TLE3: variants seen among roughly 807,000 people sequenced by gnomAD.
The protein encoded by TLE3 is TLE family member 3, transcriptional corepressor, also known as transducin-like enhancer protein 3.
Under a neutral mutation model 93.0 loss-of-function variants are expected in TLE3, and 14 were observed. The ratio of observed to expected loss-of-function variants is 0.15; its 90% CI spans 0.10 to 0.24. TLE3 has a LOEUF of 0.24. TLE3 is among the 10% of genes least tolerant of loss of function. The pLI, the probability that TLE3 is intolerant of heterozygous loss-of-function variation, is 1.00. For synonymous variants in TLE3, 451 were observed against 425.0 expected, an observed-to-expected ratio of 1.06 and a Z score of -0.75; for missense variants, 693 against 1,046.6, an observed-to-expected ratio of 0.66 and a Z score of 4.66.
chr15:70,076,909 G>C (rs967335939), intron 4 of TLE3, among the ~76,000 whole-genome samples: 1 of 152,054 alleles, frequency 6.6e-6, no homozygotes, highest in South Asian at 2.1e-4. Flanking sequence ...GTAGAGACTG[G>C]GTTTCGCCAC....
intron 9 of TLE3, 86 bp from the exon 10 acceptor site, chr15:70,059,546 C>T: frequency 7.3e-7 from 1 of 1,369,728 alleles, no homozygotes; most frequent in Non-Finnish European, 1.0e-6. Flanking sequence ...TGTCCTTCTA[C>T]TGGCCAGGAC....
Position 70,073,128 on chromosome 15 carries a change from C to T in TLE3, c.372+1405G>A, listed in dbSNP as rs146033908. On this transcript the variant is annotated intron_variant, in intron 6 of 19. Coordinates refer to ENST00000451782, the MANE Select transcript of TLE3 (RefSeq NM_001105192.3). The stretch of plus-strand genomic sequence containing the variant: ...TCATCAAAGGACTCTGCAACCATCA[C>T]GGGTCCTGACAGTGTGATGGAAGGG... 7.4e-3 allele frequency among the ~76,000 whole-genome samples: 1,123 copies of T among 152,322 alleles called. 12 individuals are homozygous for T. The highest frequency in any genetic ancestry group is 0.031 in the Middle Eastern group (9 of 294).
intron 4 of TLE3, among the ~76,000 whole-genome samples, chr15:70,091,550 C>T (rs746342750): frequency 6.6e-6 from 1 of 152,154 alleles, no homozygotes; most frequent in Non-Finnish European, 1.5e-5. Flanking sequence ...CTTGAAGTCC[C>T]GGGCCAGGCC....
At chr15:70,075,744 T>C (rs967994603) in intron 5 of TLE3, among the ~76,000 whole-genome samples, 3 of 152,250 alleles carry the variant, frequency 2.0e-5, no homozygotes, top group African/African-American at 7.2e-5. Flanking sequence ...AAGGGCACTC[T>C]GTACCAGGAA....
chr15:70,058,235 G>T lies in TLE3; in HGVS notation c.975C>A (p.Asp325Glu). 1 of 1,613,610 alleles carries T rather than the reference G, an allele frequency of 6.2e-7. No individual in the cohort carries two copies. The stretch of plus-strand genomic sequence containing the variant: ...TCGTGCTGGTGCCTGGAGTTGGGGC[G>T]TCGTTCCTTGGGGTTGGTGTGTTGG... ...LKSNTPTPRN[D>E]APTPGTSTTP... Residue 325 changes from aspartate to glutamate, a missense_variant, in exon 12 of 20, where the codon GAC becomes GAA. Around this residue, in one of 4 missense-constraint regions of TLE3, gnomAD observed 405 missense variants for 468.9 expected, o/e 0.86. Transcript: ENST00000451782. The surrounding 1 kb of genome is among the most constrained non-coding windows in gnomAD (Gnocchi z 4.1).
chr15:70,051,207 C>G (rs2055504865), intron 19 of TLE3, 184 bp downstream of exon 19: 1 of 549,522 alleles, frequency 1.8e-6, no homozygotes. Context: ...GCTGAAGTCC[C>G]CAGGTCCTTG....
At chr15:70,088,343 G>A (rs189264859) in intron 4 of TLE3, among the ~76,000 whole-genome samples, 10 of 152,254 alleles carry the variant, frequency 6.6e-5, no homozygotes, top group South Asian at 2.1e-4. Flanking sequence ...CTTACATGGC[G>A]GCAGGACGTT....
At chr15:70,075,892 G>A (rs1385761185) in intron 5 of TLE3, among the ~76,000 whole-genome samples, 1 of 152,130 alleles carries the variant, frequency 6.6e-6, no homozygotes, top group African/African-American at 2.4e-5. Context: ...TGAGAAGAAG[G>A]AGCAAATGGT....
At chr15:70,056,185 G>A (rs2056006194) in intron 14 of TLE3, 113 bp downstream of exon 14, 6 of 1,182,476 alleles carry the variant, frequency 5.1e-6, no homozygotes, top group Middle Eastern at 1.9e-4. Context: ...CCAAAGGGAG[G>A]TGCACCAGGG....
rs764880221 is a variant in TLE3, at chr15:70,052,375, G to A, written c.2124C>T (p.Cys708=). 2.2e-5 allele frequency: 35 copies of A among 1,612,968 alleles called. No homozygotes were observed. The highest frequency in any genetic ancestry group is 5.3e-5 in the African/African-American group (4 of 74,922). The stretch of plus-strand genomic sequence containing the variant: ...GGCCTGGGCCCATCCAAGGCTCACC[G>A]CAGTAGGCGAACTTGAGGGAGAGCA... ...SCVLSLKFAY[C]GKWFVSTGKD... is the part of the protein sequence containing the mutation. The change falls in exon 18 of 20, where the codon TGC becomes TGT. Residue 708 remains cysteine (C), a splice_region_variant and synonymous_variant. Transcript: ENST00000451782.
At position 70,097,542 on chromosome 15, in the gene TLE3, C is replaced by T; in HGVS notation, c.-744G>A. ...GGTGCAAATCAAACGCCCTGGCATCCTAAGTCCAGCGGGCACGGGAAGCCT... is the reference window on the plus strand; with the variant it reads ...GGTGCAAATCAAACGCCCTGGCATCTTAAGTCCAGCGGGCACGGGAAGCCT... On this transcript the variant is annotated 5_prime_UTR_variant, in exon 1 of 20. Coordinates refer to ENST00000451782, the MANE Select transcript of TLE3 (RefSeq NM_001105192.3). 1 of 400,136 alleles carries T rather than the reference C, an allele frequency of 2.5e-6. No individual in the cohort carries two copies. Among genetic ancestry groups the T allele is most frequent in the Admixed American group, 4.4e-5 (1 of 22,740 alleles). 24.8% of individuals were successfully genotyped at this position (400,136 alleles called of 1,614,324 possible).
In TLE3 at chr15:70,057,555, G is replaced by A. The variant is rs760211128; in HGVS notation, c.1155C>T (p.Ala385=). ...GTGGGATGTTGTGGAGGCCGGCGTA[G>A]GCGCCAGGACTGGTGAGGGAGCCGT... ...EMNGSLTSPG[A]YAGLHNIPPQ... Residue 385 remains alanine (A), a synonymous_variant, in exon 13 of 20, where the codon GCC becomes GCT. Transcript: ENST00000451782. The A allele has an allele frequency of 6.2e-7, 1 of 1,603,330 alleles. No individual in the cohort carries two copies. The highest frequency in any genetic ancestry group is 8.5e-7 in the Non-Finnish European group (1 of 1,175,498).
intron 6 of TLE3, among the ~76,000 whole-genome samples, chr15:70,068,174 A>T (rs1364751399): frequency 6.6e-6 from 1 of 152,264 alleles, no homozygotes; most frequent in Non-Finnish European, 1.5e-5. Context: ...AGTAGACATT[A>T]AAAAGTTTTT....
chr15:70,060,017 C>A (rs529097909), intron 9 of TLE3, among the ~76,000 whole-genome samples: 57 of 152,324 alleles, frequency 3.7e-4, no homozygotes, highest in African/African-American at 7.7e-4. Flanking sequence ...TCCCTCTGTC[C>A]CAGCTCTCAG....
At chr15:70,091,365 C>T (rs1452890637) in intron 4 of TLE3, among the ~76,000 whole-genome samples, 2 of 152,230 alleles carry the variant, frequency 1.3e-5, no homozygotes, top group Non-Finnish European at 2.9e-5. Context: ...ATGGCAATTG[C>T]TCTGGGGCCC....
intron 4 of TLE3, among the ~76,000 whole-genome samples, chr15:70,085,510 A>T (rs866418811): frequency 3.9e-5 from 6 of 152,316 alleles, no homozygotes; most frequent in Middle Eastern, 3.4e-3. Flanking sequence ...GGGCAAATGG[A>T]TAGTGAGGAA....
At chr15:70,052,347 T>A (rs775679629) in intron 18 of TLE3, 27 bp downstream of exon 18, 1 of 1,606,290 alleles carries the variant, frequency 6.2e-7, no homozygotes, top group East Asian at 2.2e-5. Context: ...CCCCACTCCA[T>A]CAGGCCTGGG....
intron 4 of TLE3, among the ~76,000 whole-genome samples, chr15:70,089,733 T>C (rs570736365): frequency 6.6e-6 from 1 of 152,328 alleles, no homozygotes; most frequent in South Asian, 2.1e-4. Flanking sequence ...TTGTCACGTT[T>C]TTGCCCCTGG....
chr15:70,087,061 A>C (rs2058070469), intron 4 of TLE3, among the ~76,000 whole-genome samples: 1 of 152,248 alleles, frequency 6.6e-6, no homozygotes, highest in Non-Finnish European at 1.5e-5. Context: ...CAAAGAGTCC[A>C]TAACACTATT....
Sources: gnomAD v4.1 joint callset for allele counts (sites outside exome capture counted in the v4.1 genomes callset) on GRCh38, gnomAD v4.1.1 for gene constraint, gnomAD v4.1.1 regional missense constraint, Gnocchi (gnomAD v3.1) non-coding constraint, MANE v1.5 for transcripts, NCBI Gene and HGNC (gene_info 2026-07-23, HGNC 2026-07-21) for gene names.